Variants in DGKB observed in about 807,000 individuals in gnomAD.
DGKB encodes diacylglycerol kinase beta.
Under a neutral mutation model 114.3 loss-of-function variants are expected in DGKB, and 67 were observed. That is an observed-to-expected ratio of 0.59 (90% CI 0.48 to 0.72). The LOEUF is 0.72. Among genes scored for constraint, DGKB ranks in the 30% least tolerant of loss-of-function variants. DGKB has a pLI of 0.00. For synonymous variants in DGKB, 398 were observed against 323.1 expected, an observed-to-expected ratio of 1.23 and a Z score of -2.49; for missense variants, 907 against 975.2, an observed-to-expected ratio of 0.93 and a Z score of 0.93.
intron 23 of DGKB, among the ~76,000 whole-genome samples, chr7:14,196,529 T>G (rs1193008171): frequency 6.6e-6 from 1 of 152,176 alleles, no homozygotes; most frequent in Non-Finnish European, 1.5e-5. Context: ...AGAATTATAT[T>G]ACTGTCTTGG....
chr7:14,150,130 T>C (rs1781973619), intron 25 of DGKB, among the ~76,000 whole-genome samples: 1 of 152,160 alleles, frequency 6.6e-6, no homozygotes, highest in Admixed American at 6.6e-5. Context: ...AAAGGTCACA[T>C]CTTGCCTTTG....
chr7:14,888,542 A>G (rs1039288606), intron 1 of DGKB, among the ~76,000 whole-genome samples: 3 of 151,798 alleles, frequency 2.0e-5, no homozygotes, highest in African/African-American at 7.2e-5. Flanking sequence ...TACAGCGAAA[A>G]TATAAATGAT....
chr7:14,266,273 G>A (rs1366323043), intron 23 of DGKB, among the ~76,000 whole-genome samples: 3 of 152,114 alleles, frequency 2.0e-5, no homozygotes, highest in African/African-American at 7.2e-5. Flanking sequence ...GCCAAACTAT[G>A]ACATTTTGCA....
chr7:14,695,167 C>T (rs1405376194), intron 8 of DGKB, among the ~76,000 whole-genome samples: 3 of 152,176 alleles, frequency 2.0e-5, no homozygotes, highest in Non-Finnish European at 2.9e-5. Flanking sequence ...TGTCTTCACT[C>T]AGGAAGTATT....
At chr7:14,304,214 T>C (rs949340456) in intron 23 of DGKB, among the ~76,000 whole-genome samples, 1 of 152,118 alleles carries the variant, frequency 6.6e-6, no homozygotes. Flanking sequence ...TTAAAATTAC[T>C]ACCTTTCAGA....
chr7:14,229,164 A>G (rs1341910122), intron 23 of DGKB, among the ~76,000 whole-genome samples: 6 of 151,998 alleles, frequency 3.9e-5, no homozygotes, highest in Admixed American at 2.6e-4. Flanking sequence ...AAGTTTTCCA[A>G]TTTTAAACAT....
intron 21 of DGKB, among the ~76,000 whole-genome samples, chr7:14,391,713 G>A (rs1322499700): frequency 6.6e-6 from 1 of 151,658 alleles, no homozygotes; most frequent in African/African-American, 2.4e-5. Flanking sequence ...AAGAAAGAAT[G>A]GTAAAGACAA....
At chr7:14,220,155 C>G (rs766396397) in intron 23 of DGKB, among the ~76,000 whole-genome samples, 1 of 151,586 alleles carries the variant, frequency 6.6e-6, no homozygotes, top group African/African-American at 2.4e-5. Flanking sequence ...AGACAACTAA[C>G]TGTAACACAA....
In DGKB at chr7:14,736,108, C is replaced by T; in HGVS notation, c.255G>A (p.Met85Ile). 2 of 1,610,156 alleles carry T rather than the reference C, an allele frequency of 1.2e-6. No individual in the cohort carries two copies. Among genetic ancestry groups the T allele is most frequent in the Non-Finnish European group, 1.7e-6 (2 of 1,177,284 alleles). ...LPDDFTAHLF[M>I]SFSNKFPHSS... Reference sequence around the variant, plus strand: ...AATGAGGAAACTTGTTGCTAAATGACATGAAAAGGTGTGCAGTGAAATCAT... The same window carrying T: ...AATGAGGAAACTTGTTGCTAAATGATATGAAAAGGTGTGCAGTGAAATCAT... Residue 85 changes from methionine (M) to isoleucine (I), a missense_variant, in exon 5 of 26, where the codon ATG (methionine) becomes ATA (isoleucine). Met to Ile is a conservative substitution (Grantham distance 10, BLOSUM62 1). This residue lies in a region of DGKB where 814 missense variants were observed against 856.6 expected (regional missense o/e 0.95). Coordinates refer to ENST00000402815, the MANE Select transcript of DGKB (RefSeq NM_001350709.2).
At chr7:14,833,562 C>A (rs897389193) in intron 2 of DGKB, among the ~76,000 whole-genome samples, 2 of 152,102 alleles carry the variant, frequency 1.3e-5, no homozygotes, top group African/African-American at 4.8e-5. Context: ...GGAGTGTATT[C>A]ATTTCATTGT....
chr7:14,916,414 GT>G lies in DGKB; in HGVS notation c.-188+58281del, dbSNP rs565309850. 1.4e-4 allele frequency among the ~76,000 whole-genome samples: 21 copies of G among 152,072 alleles called. No homozygotes were observed. In the East Asian group the frequency reaches 4.1e-3, roughly 29 times the overall value. On this transcript the variant is annotated intron_variant, in intron 1 of 4. Coordinates refer to the DGKB transcript ENST00000437998. ...ACAATAAAAACTTGTCAGAGGACATGTAAAAAAAGATTCAACAAATATATTA... is the reference window on the plus strand; with the variant it reads ...ACAATAAAAACTTGTCAGAGGACATGAAAAAAAGATTCAACAAATATATTA...
chr7:14,957,999 T>C (rs1461694534), intron 1 of DGKB, among the ~76,000 whole-genome samples: 2 of 152,088 alleles, frequency 1.3e-5, no homozygotes, highest in African/African-American at 4.8e-5. Flanking sequence ...TGATAAATAT[T>C]GTGTTTACGT....
At chr7:14,440,038 A>T (rs196747) in intron 21 of DGKB, among the ~76,000 whole-genome samples, 1 of 152,032 alleles carries the variant, frequency 6.6e-6, no homozygotes, top group Non-Finnish European at 1.5e-5. Flanking sequence ...CTGTTTTCAA[A>T]AAAGGGTCCA....
intron 16 of DGKB, among the ~76,000 whole-genome samples, chr7:14,609,759 C>A (rs1805174222): frequency 6.6e-6 from 1 of 151,786 alleles, no homozygotes; most frequent in Admixed American, 6.6e-5. Flanking sequence ...AGGAAACAAA[C>A]ATATGAAAAC....
intron 14 of DGKB, among the ~76,000 whole-genome samples, chr7:14,624,959 C>G (rs1005389081): frequency 6.6e-6 from 1 of 151,956 alleles, no homozygotes; most frequent in Non-Finnish European, 1.5e-5. Context: ...GATTGTACCA[C>G]TGAACTCCAT....
At chr7:14,586,650 C>T (rs1207185735) in intron 17 of DGKB, among the ~76,000 whole-genome samples, 1 of 152,064 alleles carries the variant, frequency 6.6e-6, no homozygotes, top group Non-Finnish European at 1.5e-5. Flanking sequence ...CAGGCTGACT[C>T]TCCTGTTAGG....
chr7:14,970,607 G>T (rs9648194), intron 1 of DGKB, among the ~76,000 whole-genome samples: 72 of 151,900 alleles, frequency 4.7e-4, no homozygotes, highest in African/African-American at 1.7e-3. Flanking sequence ...CATATCCTCA[G>T]AATGCTCCCG....
chr7:14,928,732 T>A (rs1784862955), intron 1 of DGKB, among the ~76,000 whole-genome samples: 1 of 151,806 alleles, frequency 6.6e-6, no homozygotes, highest in African/African-American at 2.4e-5. Flanking sequence ...CATGTGTAGA[T>A]TGCATGGGGG....
At chr7:14,505,315 C>T (rs547510253) in intron 20 of DGKB, among the ~76,000 whole-genome samples, 7 of 151,938 alleles carry the variant, frequency 4.6e-5, no homozygotes, top group East Asian at 3.9e-4. Context: ...ATTAGCTGGG[C>T]GTGTTGGCAC....
Sources: allele counts gnomAD v4.1 joint callset (sites outside exome capture counted in the v4.1 genomes callset), GRCh38; gene constraint gnomAD v4.1.1; regional missense constraint gnomAD v4.1.1; transcripts MANE v1.5; gene names NCBI Gene and HGNC (gene_info 2026-07-23, HGNC 2026-07-21).